Variants in NREP observed in about 807,000 individuals in gnomAD.
NREP encodes neuronal regeneration-related protein.
NREP carries 5 observed loss-of-function variants against 8.6 expected under a neutral mutation model. The ratio of observed to expected loss-of-function variants is 0.58; its 90% CI spans 0.30 to 1.22. The LOEUF (loss-of-function observed/expected upper bound fraction) is 1.22. Among genes scored for constraint, NREP ranks in the 50% most tolerant of loss-of-function variants. NREP has a pLI of 0.07. For missense variants in NREP, 86 were observed against 82.5 expected (o/e 1.04, Z -0.17); for synonymous variants, 27 against 28.0 (o/e 0.96, Z 0.11).
chr5:111,878,089 G>C (rs957262549), intron 2 of NREP, among the ~76,000 whole-genome samples: 5 of 152,210 alleles, frequency 3.3e-5, no homozygotes, highest in African/African-American at 9.6e-5. Flanking sequence ...ACTAGAGACA[G>C]TCCTAAAACC....
intron 2 of NREP, among the ~76,000 whole-genome samples, chr5:111,842,882 C>G (rs1030099550): frequency 6.6e-6 from 1 of 152,080 alleles, no homozygotes; most frequent in Non-Finnish European, 1.5e-5. Context: ...TTAGTACTTA[C>G]GATATATTAT....
chr5:111,811,919 A>G (rs1752278820), intron 2 of NREP, among the ~76,000 whole-genome samples: 1 of 152,186 alleles, frequency 6.6e-6, no homozygotes, highest in African/African-American at 2.4e-5. Flanking sequence ...ATTAAAAACT[A>G]ATGTTTCTCT....
At chr5:111,785,903 G>T (rs980901961) in intron 2 of NREP, among the ~76,000 whole-genome samples, 1 of 152,150 alleles carries the variant, frequency 6.6e-6, no homozygotes, top group Non-Finnish European at 1.5e-5. Context: ...GAGATGGATA[G>T]GGAGAGGGAA....
chr5:111,828,834 G>T (rs1429356225), intron 2 of NREP, among the ~76,000 whole-genome samples: 2 of 152,132 alleles, frequency 1.3e-5, no homozygotes, highest in African/African-American at 4.8e-5. Flanking sequence ...TTTGAAATAG[G>T]TAGAGGAGCT....
At chr5:111,931,509 A>G (rs1443010652) in intron 2 of NREP, among the ~76,000 whole-genome samples, 1 of 152,176 alleles carries the variant, frequency 6.6e-6, no homozygotes, top group African/African-American at 2.4e-5. Context: ...TCAAGACTTC[A>G]GATGATTGCA....
At chr5:111,886,999 TAA>T (rs35853357) in intron 2 of NREP, among the ~76,000 whole-genome samples, 3 of 144,520 alleles carry the variant, frequency 2.1e-5, no homozygotes, top group African/African-American at 7.6e-5. Flanking sequence ...ATAGAAAAAA[TAA>T]AAAAAAAAAC....
intron 2 of NREP, among the ~76,000 whole-genome samples, chr5:111,818,708 T>A (rs907561512): frequency 6.6e-6 from 1 of 152,220 alleles, no homozygotes; most frequent in Non-Finnish European, 1.5e-5. Context: ...AACACTCTCA[T>A]GCATATGCAT....
chr5:111,860,671 A>T (rs1753525210), intron 2 of NREP, among the ~76,000 whole-genome samples: 1 of 152,168 alleles, frequency 6.6e-6, no homozygotes, highest in African/African-American at 2.4e-5. Flanking sequence ...CCATATTTCT[A>T]ACTTTATTTC....
At chr5:111,908,856 A>G (rs941741094) in intron 2 of NREP, among the ~76,000 whole-genome samples, 2 of 151,702 alleles carry the variant, frequency 1.3e-5, no homozygotes, top group Non-Finnish European at 3.0e-5. Context: ...TCCATACTGC[A>G]TTCCCTTTTC....
intron 2 of NREP, among the ~76,000 whole-genome samples, chr5:111,845,159 C>T (rs1237386617): frequency 6.6e-6 from 1 of 152,082 alleles, no homozygotes; most frequent in East Asian, 1.9e-4. Flanking sequence ...AATTTACATG[C>T]TTACTTCACT....
intron 2 of NREP, among the ~76,000 whole-genome samples, chr5:111,850,240 T>G (rs546819874): frequency 6.6e-6 from 1 of 152,276 alleles, no homozygotes; most frequent in East Asian, 1.9e-4. Context: ...CTCTATTTAG[T>G]AGTTTTCTTG....
At chr5:111,941,719 A>G (rs1755834688) in intron 2 of NREP, among the ~76,000 whole-genome samples, 2 of 152,090 alleles carry the variant, frequency 1.3e-5, no homozygotes, top group Admixed American at 6.6e-5. Flanking sequence ...ACATCTAGGA[A>G]TGGGATTGAT....
chr5:111,919,984 C>CCA (rs1491015895), intron 2 of NREP, among the ~76,000 whole-genome samples: 1 of 127,354 alleles, frequency 7.9e-6, no homozygotes, highest in South Asian at 2.5e-4. Context: ...CCCCCCCCCC[C>CCA]CACACACACA....
At chr5:111,966,691 CAG>C (rs1234757547) in intron 2 of NREP, among the ~76,000 whole-genome samples, 1 of 152,014 alleles carries the variant, frequency 6.6e-6, no homozygotes, top group Non-Finnish European at 1.5e-5. Flanking sequence ...TATTATCAAA[CAG>C]AAAATGAAGG....
intron 2 of NREP, among the ~76,000 whole-genome samples, chr5:111,834,526 A>G (rs1015423349): frequency 2.0e-5 from 3 of 152,246 alleles, no homozygotes; most frequent in African/African-American, 7.2e-5. Context: ...AACATATCCA[A>G]ACAAACTATT....
intron 2 of NREP, among the ~76,000 whole-genome samples, chr5:111,934,574 G>A (rs1302603935): frequency 2.6e-5 from 4 of 152,096 alleles, no homozygotes; most frequent in African/African-American, 4.8e-5. Context: ...TAGGCTCACT[G>A]AGTCTATTTG....
chr5:111,820,941 A>G (rs889564597), intron 2 of NREP, among the ~76,000 whole-genome samples: 48 of 152,208 alleles, frequency 3.2e-4, no homozygotes, highest in African/African-American at 1.2e-3. Flanking sequence ...AAGTTTCTAA[A>G]GTCAGCTGTA....
chr5:111,770,068 A>G (rs766049384), intron 2 of NREP, among the ~76,000 whole-genome samples: 8 of 152,262 alleles, frequency 5.3e-5, no homozygotes, highest in Non-Finnish European at 8.8e-5. Flanking sequence ...AGAGGAAAGA[A>G]CAATCAATAT....
At chr5:111,973,805 T>C (rs1756888139) in intron 2 of NREP, among the ~76,000 whole-genome samples, 1 of 152,244 alleles carries the variant, frequency 6.6e-6, no homozygotes, top group South Asian at 2.1e-4. Flanking sequence ...AGTCCATTTG[T>C]GTTCAGCAAA....
Sources: gnomAD v4.1 joint callset for allele counts (sites outside exome capture counted in the v4.1 genomes callset) on GRCh38, gnomAD v4.1.1 for gene constraint, MANE v1.5 for transcripts, NCBI Gene and HGNC (gene_info 2026-07-23, HGNC 2026-07-21) for gene names.